The following POLR1C variants were observed in gnomAD, a reference collection of about 807,000 sequenced individuals.
The protein encoded by POLR1C is DNA-directed RNA polymerases I and III subunit RPAC1.
POLR1C carries 42 observed loss-of-function variants against 38.3 expected under a neutral mutation model. The ratio of observed to expected loss-of-function variants is 1.10; its 90% CI spans 0.86 to 1.42. The LOEUF (loss-of-function observed/expected upper bound fraction) is 1.42. Ranked by LOEUF, POLR1C falls within the 40% of genes most tolerant of loss-of-function variation. POLR1C has a pLI of 0.00. For missense variants in POLR1C, 507 were observed against 450.5 expected (o/e 1.13, Z -1.14); for synonymous variants, 163 against 163.9 (o/e 0.99, Z 0.04).
chr6:43,519,144 G>A (rs1450113446), intron 2 of POLR1C, 189 bp from the exon 3 acceptor site: 9 of 635,340 alleles, frequency 1.4e-5, no homozygotes, highest in East Asian at 2.8e-5. Flanking sequence ...ATGAATGGAC[G>A]ACAAAAATGG....
At chr6:43,536,758 TAAAAAAAAAAAAAA>T (rs1156884252) in intron 9 of POLR1C, among the ~76,000 whole-genome samples, 10 of 19,100 alleles carry the variant, frequency 5.2e-4, no homozygotes, top group South Asian at 6.6e-3. Flanking sequence ...AGACTCTATC[TAAAAAAAAAAAAAA>T]AAAAAAAAAA....
At chr6:43,530,044 C>T (rs1793865454), downstream of POLR1C, among the ~76,000 whole-genome samples, 1 of 152,080 alleles carries the variant, frequency 6.6e-6, no homozygotes, top group African/African-American at 2.4e-5. Flanking sequence ...TACTTGAGGT[C>T]AGGAGTTTGA....
chr6:43,540,833 C>T (rs968895023), intron 9 of POLR1C, among the ~76,000 whole-genome samples: 2 of 151,842 alleles, frequency 1.3e-5, no homozygotes, highest in East Asian at 1.9e-4. Flanking sequence ...TTTCAAAGAA[C>T]CAGCTTTATT....
downstream of POLR1C, chr6:43,526,339 C>T (rs1389241912): frequency 5.1e-6 from 2 of 391,174 alleles, no homozygotes; most frequent in Non-Finnish European, 9.5e-6. Flanking sequence ...GTAGTGACAA[C>T]TGCTATGAAG....
At chr6:43,551,885 T>G (rs1464194080) in intron 10 of POLR1C, among the ~76,000 whole-genome samples, 1 of 152,076 alleles carries the variant, frequency 6.6e-6, no homozygotes, top group African/African-American at 2.4e-5. Flanking sequence ...CAGGCTGGTC[T>G]CAAACTCCTG....
At chr6:43,541,916 T>G (rs1794716682) in intron 9 of POLR1C, among the ~76,000 whole-genome samples, 1 of 152,172 alleles carries the variant, frequency 6.6e-6, no homozygotes, top group South Asian at 2.1e-4. Flanking sequence ...TAGCTGGGGT[T>G]ACAAGCATGC....
chr6:43,547,572 G>T (rs1283746167), intron 9 of POLR1C: 1 of 1,595,486 alleles, frequency 6.3e-7, no homozygotes, highest in Non-Finnish European at 8.6e-7. Flanking sequence ...TCCTACCCAT[G>T]GCCAATGCCA....
intron 10 of POLR1C, chr6:43,558,775 C>G (rs758113046): frequency 3.0e-5 from 15 of 495,948 alleles, no homozygotes; most frequent in Middle Eastern, 5.1e-4. Flanking sequence ...TCCAGTATTC[C>G]TCAGTGGTAG....
In POLR1C at chr6:43,562,355, T is replaced by C. The variant is rs774706093; in HGVS notation, c.*1004T>C. 2.6e-4 allele frequency: 418 copies of C among 1,590,274 alleles called. 2 individuals carry two copies. Among genetic ancestry groups the C allele is most frequent in the South Asian group, 5.7e-5 (5 of 87,732 alleles). ...CTCCTCCATCAGCAGTCCTGTAAGA[T>C]GAGAATTCCTTATATCACCAACAAA... is the stretch of plus-strand genomic sequence containing the variant. On this transcript the variant is annotated 3_prime_UTR_variant, in exon 11 of 11. Coordinates refer to the POLR1C transcript ENST00000607635.
At chr6:43,552,765 T>C (rs1040498852) in intron 10 of POLR1C, among the ~76,000 whole-genome samples, 2 of 152,248 alleles carry the variant, frequency 1.3e-5, no homozygotes, top group East Asian at 1.9e-4. Context: ...ATTTTACTGA[T>C]ACAGTTGAGG....
At chr6:43,544,129 CA>C (rs1794849597) in intron 9 of POLR1C, 1 of 152,920 alleles carries the variant, frequency 6.5e-6, no homozygotes, top group South Asian at 2.0e-4. Context: ...AGAAAAGTAT[CA>C]AAATGATAAC....
intron 8 of POLR1C, chr6:43,526,727 T>C: frequency 6.2e-7 from 1 of 1,613,914 alleles, no homozygotes; most frequent in Non-Finnish European, 8.5e-7. Context: ...TCAGCACCCT[T>C]CTTTGAAACA....
intron 9 of POLR1C, chr6:43,539,482 C>T (rs1794561412): frequency 2.5e-6 from 4 of 1,573,218 alleles, no homozygotes. Context: ...GGGACTTGAT[C>T]TTCATGTCCT....
chr6:43,548,266 C>T (rs925714062), intron 9 of POLR1C: 2 of 1,607,718 alleles, frequency 1.2e-6, no homozygotes, highest in African/African-American at 2.7e-5. Context: ...TTTACCTGTG[C>T]ATGTCTTGAG....
downstream of POLR1C, chr6:43,522,715 T>C (rs752073357): frequency 8.0e-6 from 4 of 502,270 alleles, no homozygotes; most frequent in Non-Finnish European, 1.7e-5. Context: ...GGAAACCCTC[T>C]TGTCAGTGGA....
chr6:43,526,705 G>C, intron 8 of POLR1C: 2 of 1,613,966 alleles, frequency 1.2e-6, no homozygotes, highest in Non-Finnish European at 8.5e-7. Context: ...TGCTGGGGGA[G>C]CACTACTGTG....
At chr6:43,548,222 T>C in intron 9 of POLR1C, 4 of 1,527,418 alleles carry the variant, frequency 2.6e-6, no homozygotes, top group Non-Finnish European at 2.6e-6. Flanking sequence ...AAATGGGTGC[T>C]TGAGTATAGT....
At chr6:43,535,895 G>A (rs140310280) in intron 9 of POLR1C, among the ~76,000 whole-genome samples, 88 of 151,742 alleles carry the variant, frequency 5.8e-4, no homozygotes, top group Non-Finnish European at 1.0e-3. Context: ...GGCCAAGGCC[G>A]GAGAATCACC....
intron 10 of POLR1C, chr6:43,551,540 A>T: frequency 6.7e-7 from 1 of 1,501,374 alleles, no homozygotes; most frequent in Non-Finnish European, 9.1e-7. Context: ...CATCTTTTAA[A>T]GAGACAGGGT....
Sources: allele counts gnomAD v4.1 joint callset (sites outside exome capture counted in the v4.1 genomes callset), GRCh38; gene constraint gnomAD v4.1.1; transcripts MANE v1.5; gene names NCBI Gene and HGNC (gene_info 2026-07-23, HGNC 2026-07-21).